The following PIKFYVE variants were observed in gnomAD, a reference collection of about 807,000 sequenced individuals.
The protein encoded by PIKFYVE is phosphoinositide kinase, FYVE-type zinc finger containing, also known as 1-phosphatidylinositol 3-phosphate 5-kinase.
PIKFYVE carries 122 observed loss-of-function variants against 257.9 expected under a neutral mutation model. The ratio of observed to expected loss-of-function variants is 0.47; its 90% CI spans 0.41 to 0.55. The LOEUF (loss-of-function observed/expected upper bound fraction) is 0.55. Ranked by LOEUF, PIKFYVE falls within the 20% of genes least tolerant of loss-of-function variation. The pLI is 0.00. For synonymous variants in PIKFYVE, 892 were observed against 868.9 expected (o/e 1.03, Z -0.47); for missense variants, 2,160 against 2,536.6 (o/e 0.85, Z 3.19).
intron 24 of PIKFYVE, 21 bp downstream of exon 24, chr2:208,333,514 T>G (rs1477980010): frequency 6.2e-7 from 1 of 1,605,628 alleles, no homozygotes; most frequent in Non-Finnish European, 8.5e-7. Context: ...CTAGGAATCT[T>G]GTGCATGATC....
At chr2:208,338,474 T>C (rs763305895) in intron 28 of PIKFYVE, 34 bp from the exon 29 acceptor site, 16 of 1,602,256 alleles carry the variant, frequency 1.0e-5, no homozygotes, top group Non-Finnish European at 1.4e-5. Context: ...ATTTTCATGT[T>C]TTCCATAAGA....
chr2:208,318,808 C>T (rs114259952), intron 16 of PIKFYVE, among the ~76,000 whole-genome samples: 5,699 of 152,012 alleles, frequency 0.037, 334 homozygotes, highest in African/African-American at 0.13. Context: ...AAAAGTTAGC[C>T]GGCGTGGTGG....
intron 14 of PIKFYVE, among the ~76,000 whole-genome samples, chr2:208,314,760 G>C (rs1695290516): frequency 6.6e-6 from 1 of 152,158 alleles, no homozygotes; most frequent in African/African-American, 2.4e-5. Context: ...AGCCAGGCGT[G>C]GTGGCGCTGG....
chr2:208,297,198 A>C (rs1268643974), intron 7 of PIKFYVE, among the ~76,000 whole-genome samples: 1 of 152,190 alleles, frequency 6.6e-6, no homozygotes, highest in African/African-American at 2.4e-5. Context: ...ACAGCTTTTG[A>C]CATTAAAATT....
At chr2:208,339,306 TA>T in intron 29 of PIKFYVE, 111 bp from the exon 30 acceptor site, 1 of 1,308,402 alleles carries the variant, frequency 7.6e-7, no homozygotes, top group Non-Finnish European at 1.1e-6. Flanking sequence ...TTTTAAAAAG[TA>T]AAAATTCTAC....
Position 208,314,442 on chromosome 2 carries a change from T to A in PIKFYVE, c.1826+19T>A. 1 of 1,607,510 alleles carries A rather than the reference T, an allele frequency of 6.2e-7. No homozygotes were observed. The highest frequency in any genetic ancestry group is 8.5e-7 in the Non-Finnish European group (1 of 1,176,080). ...GGTTGCTGTAAGGCAATGAAATTTT[T>A]AATTTTAATTTTTCACTTTTATTAT... is the stretch of plus-strand genomic sequence containing the variant. On this transcript the variant is annotated intron_variant, in intron 14 of 41. Coordinates refer to ENST00000264380, the MANE Select transcript of PIKFYVE (RefSeq NM_015040.4).
intron 25 of PIKFYVE, among the ~76,000 whole-genome samples, 158 bp from the exon 26 acceptor site, chr2:208,335,635 C>A (rs1377434246): frequency 6.6e-6 from 1 of 152,074 alleles, no homozygotes; most frequent in Non-Finnish European, 1.5e-5. Flanking sequence ...GAAGTACATC[C>A]TTTTAGGTCT....
rs577336512 is a variant in PIKFYVE at position 208,288,708 on chromosome 2, A to G, written c.822-21A>G. 2.0e-5 allele frequency: 33 copies of G among 1,613,454 alleles called. No individual in the cohort carries two copies. The East Asian group carries it at 6.9e-4, about 34-fold the overall frequency. ...TTTTACTGTCCTGAATTATTTCAGT[A>G]TTTTCCTATTTTCTTTATAGTTTGA... On this transcript the variant is annotated intron_variant, in intron 6 of 41. Transcript: ENST00000264380.
intron 5 of PIKFYVE, among the ~76,000 whole-genome samples, chr2:208,280,846 T>G (rs1690712739): frequency 6.6e-6 from 1 of 152,238 alleles, no homozygotes; most frequent in Non-Finnish European, 1.5e-5. Flanking sequence ...TATGATCAAC[T>G]AGCCAATGCC....
At chr2:208,349,181 T>C (rs1699526300) in intron 35 of PIKFYVE, among the ~76,000 whole-genome samples, 1 of 152,046 alleles carries the variant, frequency 6.6e-6, no homozygotes, top group South Asian at 2.1e-4. Context: ...AAAAACCAAC[T>C]GCTGTAATAA....
chr2:208,332,455 C>T (rs1437485394), intron 23 of PIKFYVE, among the ~76,000 whole-genome samples: 1 of 152,032 alleles, frequency 6.6e-6, no homozygotes, highest in African/African-American at 2.4e-5. Flanking sequence ...TACCAATTCC[C>T]ACCTTTATTA....
chr2:208,276,275 AC>A (rs1452605428), intron 3 of PIKFYVE, among the ~76,000 whole-genome samples: 4 of 152,194 alleles, frequency 2.6e-5, no homozygotes, highest in African/African-American at 7.2e-5. Flanking sequence ...ACAGAACTGA[AC>A]TGTTTGATCC....
chr2:208,306,191 A>C (rs1219417641), intron 12 of PIKFYVE, among the ~76,000 whole-genome samples: 1 of 152,236 alleles, frequency 6.6e-6, no homozygotes, highest in Admixed American at 6.5e-5. Flanking sequence ...AAGGTGTGTT[A>C]ATGAGACTTG....
At chr2:208,295,773 GT>G (rs1241027314) in intron 7 of PIKFYVE, among the ~76,000 whole-genome samples, 3 of 152,128 alleles carry the variant, frequency 2.0e-5, no homozygotes, top group Admixed American at 6.6e-5. Context: ...TTTGTAATTG[GT>G]AAGTAATATG....
At position 208,282,870 on chromosome 2, in the gene PIKFYVE, C is replaced by T. The variant is rs553316025; in HGVS notation, c.614-2856C>T. 9.9e-5 allele frequency among the ~76,000 whole-genome samples: 15 copies of T among 152,182 alleles called. No homozygotes were observed. The East Asian group carries it at 2.7e-3, about 27-fold the overall frequency. The stretch of plus-strand genomic sequence containing the variant: ...ATGGTTTTAGGACGAAACTATTCCA[C>T]CTTAGGTAATCAGGCATTAGATTCT... On this transcript the variant is annotated intron_variant, in intron 5 of 41. Coordinates refer to ENST00000264380, the MANE Select transcript of PIKFYVE (RefSeq NM_015040.4).
chr2:208,337,332 C>T (rs1317523563), intron 28 of PIKFYVE, among the ~76,000 whole-genome samples: 4 of 151,960 alleles, frequency 2.6e-5, no homozygotes, highest in Admixed American at 6.6e-5. Flanking sequence ...ATTTGAACTG[C>T]GTAAGTTCTT....
At chr2:208,346,946 C>T (rs1053104022) in intron 34 of PIKFYVE, among the ~76,000 whole-genome samples, 1 of 152,200 alleles carries the variant, frequency 6.6e-6, no homozygotes, top group African/African-American at 2.4e-5. Context: ...AGAGGCTCCT[C>T]CTTTAGTCAG....
chr2:208,301,694 T>G (rs1182779200), intron 9 of PIKFYVE, among the ~76,000 whole-genome samples: 1 of 152,224 alleles, frequency 6.6e-6, no homozygotes, highest in African/African-American at 2.4e-5. Context: ...TTAGTCACAT[T>G]ATTCAATCTC....
At position 208,358,546 on chromosome 2, in the gene PIKFYVE, T is replaced by G. The variant is rs1045548249; in HGVS notation, c.*3241T>G. 7 of 152,658 alleles carry G rather than the reference T, an allele frequency of 4.6e-5. No individual in the cohort carries two copies. Among genetic ancestry groups the G allele is most frequent in the Admixed American group, 3.3e-4 (5 of 15,286 alleles). 9.5% of individuals were successfully genotyped at this position (152,658 alleles called of 1,614,324 possible). ...GAATTTTAAACTAGGGAAATGACAT[T>G]GTAAATCATAGTAGCCTCTTTTAAT... On this transcript the variant is annotated 3_prime_UTR_variant, in exon 42 of 42. Coordinates refer to ENST00000264380, the MANE Select transcript of PIKFYVE (RefSeq NM_015040.4).
Sources: allele counts gnomAD v4.1 joint callset (sites outside exome capture counted in the v4.1 genomes callset), GRCh38; gene constraint gnomAD v4.1.1; transcripts MANE v1.5; gene names NCBI Gene and HGNC (gene_info 2026-07-23, HGNC 2026-07-21).